Variants in ACSL3 observed in about 807,000 individuals in gnomAD.
ACSL3 encodes acyl-CoA synthetase long chain family member 3, also known as fatty acid CoA ligase Acsl3.
Under a neutral mutation model 84.7 loss-of-function variants are expected in ACSL3, and 34 were observed. The ratio of observed to expected loss-of-function variants is 0.40; its 90% CI spans 0.31 to 0.53. ACSL3 has a LOEUF of 0.53. Ranked by LOEUF, ACSL3 falls within the 20% of genes least tolerant of loss-of-function variation. The pLI, the probability that ACSL3 is intolerant of heterozygous loss-of-function variation, is 0.48. For missense variants in ACSL3, 680 were observed against 873.1 expected (o/e 0.78, Z 2.79); for synonymous variants, 315 against 299.4 (o/e 1.05, Z -0.54).
rs754703157 is a variant in ACSL3 at position 222,922,771 on chromosome 2, T to A, written c.1020T>A (p.Leu340=). ...ATGTTCTAGAATTAAGTGCTGAGCT[T>A]GTCTGTCTTTCTCACGGATGCCGCA... ...LAHVLELSAE[L]VCLSHGCRIG... is the part of the protein sequence containing the mutation. The change falls in exon 9 of 17, where the codon CTT becomes CTA. Residue 340 remains leucine, a synonymous_variant. Transcript: ENST00000357430. The A allele has an allele frequency of 4.3e-6, 7 of 1,614,098 alleles. No homozygotes were observed. Among genetic ancestry groups the A allele is most frequent in the Non-Finnish European group, 5.9e-6 (7 of 1,180,022 alleles).
chr2:222,914,400 A>G (rs1309580178), intron 4 of ACSL3, among the ~76,000 whole-genome samples: 2 of 151,968 alleles, frequency 1.3e-5, no homozygotes, highest in African/African-American at 2.4e-5. Flanking sequence ...GGTAGCTGGG[A>G]CGACAGGCAT....
intron 8 of ACSL3, among the ~76,000 whole-genome samples, chr2:222,921,981 C>T (rs774793869): frequency 3.4e-4 from 52 of 152,076 alleles, no homozygotes; most frequent in Non-Finnish European, 5.9e-4. Flanking sequence ...CTTTTATGCA[C>T]AGAAATTACA....
intron 1 of ACSL3, among the ~76,000 whole-genome samples, chr2:222,878,648 T>C (rs1695516890): frequency 6.6e-6 from 1 of 152,228 alleles, no homozygotes; most frequent in African/African-American, 2.4e-5. Context: ...TTCAGCTGTT[T>C]GGAGCCCCAG....
At chr2:222,905,253 T>G in intron 3 of ACSL3, among the ~76,000 whole-genome samples, 1 of 152,122 alleles carries the variant, frequency 6.6e-6, no homozygotes, top group East Asian at 1.9e-4. Context: ...TCGATCTCCC[T>G]AGGCTGAGGT....
At chr2:222,921,747 TA>T (rs1696745710) in intron 8 of ACSL3, among the ~76,000 whole-genome samples, 1 of 152,200 alleles carries the variant, frequency 6.6e-6, no homozygotes, top group Non-Finnish European at 1.5e-5. Flanking sequence ...GGTGAACAGG[TA>T]ACTTAATTTA....
intron 7 of ACSL3, 45 bp downstream of exon 7, chr2:222,919,247 C>G: frequency 1.3e-6 from 2 of 1,598,030 alleles, no homozygotes; most frequent in South Asian, 2.2e-5. Flanking sequence ...TTCTGGTGAC[C>G]ACATTCTCCA....
intron 1 of ACSL3, among the ~76,000 whole-genome samples, chr2:222,866,457 C>T (rs928790516): frequency 1.2e-4 from 18 of 152,060 alleles, no homozygotes; most frequent in Admixed American, 7.2e-4. Context: ...AAAATAGGTT[C>T]TTTTATCATT....
At chr2:222,902,850 G>A (rs1574540775) in intron 3 of ACSL3, among the ~76,000 whole-genome samples, 2 of 152,172 alleles carry the variant, frequency 1.3e-5, no homozygotes, top group Non-Finnish European at 2.9e-5. Flanking sequence ...GTCAGGAAAC[G>A]GTGGGCAAAC....
chr2:222,919,187 G>A lies in ACSL3; in HGVS notation c.790G>A (p.Ala264Thr). 1 of 1,614,050 alleles carries A rather than the reference G, an allele frequency of 6.2e-7. No individual in the cohort carries two copies. Among genetic ancestry groups the A allele is most frequent in the Non-Finnish European group, 8.5e-7 (1 of 1,179,942 alleles). The change falls in exon 7 of 17, where the codon GCC becomes ACC. Residue 264 changes from alanine to threonine, a missense_variant. Physicochemically the swap from Ala to Thr is moderately conservative, Grantham distance 58. This residue lies in a region of ACSL3 where 333 missense variants were observed against 347.5 expected (regional missense o/e 0.96). Coordinates refer to ENST00000357430, the MANE Select transcript of ACSL3 (RefSeq NM_004457.5). The stretch of plus-strand genomic sequence containing the variant: ...CATGGCTGCAGTGGAGGCCCTGGGA[G>A]CCAAGGCCAGCATGGGTATGTTACA... ...HTMAAVEALG[A>T]KASMENQPHS...
At chr2:222,924,800 G>T (rs1273850385) in intron 11 of ACSL3, among the ~76,000 whole-genome samples, 1 of 152,064 alleles carries the variant, frequency 6.6e-6, no homozygotes, top group Non-Finnish European at 1.5e-5. Flanking sequence ...GAGGCAGGTG[G>T]ATCATGAGGT....
chr2:222,932,249 G>A (rs2106139640), intron 14 of ACSL3, among the ~76,000 whole-genome samples: 1 of 152,316 alleles, frequency 6.6e-6, no homozygotes, highest in East Asian at 1.9e-4. Context: ...TGGTACTAAT[G>A]GATACCAGAA....
At chr2:222,924,322 T>G in intron 10 of ACSL3, 134 bp from the exon 11 acceptor site, 2 of 755,486 alleles carry the variant, frequency 2.6e-6, no homozygotes, top group Non-Finnish European at 3.8e-6. Flanking sequence ...TCCTTCTTGC[T>G]GAATCACATC....
chr2:222,935,263 T>TA (rs1697141861), intron 16 of ACSL3, among the ~76,000 whole-genome samples: 1 of 152,156 alleles, frequency 6.6e-6, no homozygotes, highest in Non-Finnish European at 1.5e-5. Flanking sequence ...AGTCATAGCT[T>TA]ACTGCAGCCT....
intron 6 of ACSL3, 140 bp downstream of exon 6, chr2:222,918,295 T>C (rs1387019924): frequency 1.1e-5 from 5 of 465,432 alleles, no homozygotes; most frequent in Non-Finnish European, 1.9e-5. Context: ...ACTTTATTTT[T>C]TCCTTTAGAA....
intron 1 of ACSL3, among the ~76,000 whole-genome samples, chr2:222,876,228 T>C (rs1695444058): frequency 6.6e-6 from 1 of 152,244 alleles, no homozygotes; most frequent in Non-Finnish European, 1.5e-5. Flanking sequence ...TTGATTCTGG[T>C]ACCCATTCCC....
chr2:222,867,456 T>C (rs1695180729), intron 1 of ACSL3, among the ~76,000 whole-genome samples: 1 of 152,224 alleles, frequency 6.6e-6, no homozygotes, highest in Non-Finnish European at 1.5e-5. Context: ...GTGTGTTTCC[T>C]TAGACAGTGT....
chr2:222,885,333 G>C (rs936590572), intron 1 of ACSL3, among the ~76,000 whole-genome samples: 2 of 152,160 alleles, frequency 1.3e-5, no homozygotes, highest in African/African-American at 4.8e-5. Context: ...ACTTCCGTAA[G>C]AGTGCCAAGA....
intron 3 of ACSL3, among the ~76,000 whole-genome samples, chr2:222,906,618 AT>A (rs35845392): frequency 0.52 from 73,805 of 142,228 alleles, 19,045 homozygotes; most frequent in East Asian, 0.76. Context: ...TACCAGCCTC[AT>A]TTTTTTTTTT....
intron 4 of ACSL3, among the ~76,000 whole-genome samples, chr2:222,912,017 T>C (rs563428452): frequency 6.6e-6 from 1 of 152,388 alleles, no homozygotes; most frequent in South Asian, 2.1e-4. Context: ...GCATTTGCTA[T>C]GAAATTGGCA....
Sources: gnomAD v4.1 joint callset for allele counts (sites outside exome capture counted in the v4.1 genomes callset) on GRCh38, gnomAD v4.1.1 for gene constraint, gnomAD v4.1.1 regional missense constraint, MANE v1.5 for transcripts, NCBI Gene and HGNC (gene_info 2026-07-23, HGNC 2026-07-21) for gene names.